Variants in KCNH7 observed in about 807,000 individuals in gnomAD.
The protein encoded by KCNH7 is voltage-gated inwardly rectifying potassium channel KCNH7.
A neutral mutation model predicts 120.8 loss-of-function variants in KCNH7; 49 were observed. The ratio of observed to expected loss-of-function variants is 0.41; its 90% CI spans 0.32 to 0.51. The LOEUF (loss-of-function observed/expected upper bound fraction) is 0.51, where lower values mean the gene tolerates loss of function less well. Among genes scored for constraint, KCNH7 ranks in the 20% least tolerant of loss-of-function variants. The probability of loss-of-function intolerance (pLI) is 0.38; values close to 1 mark genes in which losing one functional copy is unlikely to be tolerated. For missense variants in KCNH7, 1,097 were observed against 1,446.6 expected (o/e 0.76, Z 3.92); for synonymous variants, 547 against 516.1 (o/e 1.06, Z -0.81).
intron 12 of KCNH7, among the ~76,000 whole-genome samples, chr2:162,389,344 C>G (rs1039726180): frequency 6.6e-6 from 1 of 151,908 alleles, no homozygotes. Flanking sequence ...GCCAATGTCC[C>G]TTTTGACATT....
chr2:162,681,793 A>G (rs1016437996), intron 2 of KCNH7, among the ~76,000 whole-genome samples: 1 of 150,738 alleles, frequency 6.6e-6, no homozygotes, highest in African/African-American at 2.4e-5. Flanking sequence ...AGTTCAAGTC[A>G]AGACTTGGGG....
chr2:162,588,907 C>T (rs943570873), intron 2 of KCNH7, among the ~76,000 whole-genome samples: 2 of 152,098 alleles, frequency 1.3e-5, no homozygotes, highest in African/African-American at 4.8e-5. Flanking sequence ...CCTCTTTCCT[C>T]TCCCTCCAAT....
intron 6 of KCNH7, among the ~76,000 whole-genome samples, chr2:162,455,016 A>C (rs1471097581): frequency 6.6e-6 from 1 of 152,050 alleles, no homozygotes; most frequent in Non-Finnish European, 1.5e-5. Context: ...GTCTTGTGTC[A>C]GTTTCCAAAG....
intron 2 of KCNH7, among the ~76,000 whole-genome samples, chr2:162,708,648 T>C (rs972639599): frequency 6.6e-6 from 1 of 152,056 alleles, no homozygotes; most frequent in African/African-American, 2.4e-5. Flanking sequence ...AAGATTGGAA[T>C]CATTGTTCAA....
intron 2 of KCNH7, among the ~76,000 whole-genome samples, chr2:162,708,075 T>G (rs1686782411): frequency 6.6e-6 from 1 of 152,250 alleles, no homozygotes; most frequent in Non-Finnish European, 1.5e-5. Context: ...TTCTTATTTA[T>G]TTAATAAATT....
Position 162,478,327 on chromosome 2 carries a change from G to A in KCNH7, c.1128+26116C>T, listed in dbSNP as rs567062689. 9.4e-4 allele frequency among the ~76,000 whole-genome samples: 143 copies of A among 152,212 alleles called. 1 individual carries two copies. Among genetic ancestry groups the A allele is most frequent in the African/African-American group, 2.7e-3 (113 of 41,518 alleles). On this transcript the variant is annotated intron_variant, in intron 6 of 15. Coordinates refer to ENST00000332142, the MANE Select transcript of KCNH7 (RefSeq NM_033272.4). The stretch of plus-strand genomic sequence containing the variant: ...TATAGTACCATAGACTGTTACAGGT[G>A]GAAGTGGGCGAGCAGATTTTCCAGC...
chr2:162,410,671 A>G (rs1248277280), intron 9 of KCNH7, among the ~76,000 whole-genome samples: 1 of 152,088 alleles, frequency 6.6e-6, no homozygotes, highest in Non-Finnish European at 1.5e-5. Flanking sequence ...AACCTACAGA[A>G]TGGGAGAAAA....
chr2:162,484,477 G>C (rs991380549), intron 6 of KCNH7, among the ~76,000 whole-genome samples: 1 of 152,022 alleles, frequency 6.6e-6, no homozygotes, highest in Non-Finnish European at 1.5e-5. Context: ...CTCCAAAATT[G>C]CTACAATAAT....
chr2:162,440,089 T>C (rs1688374083), intron 7 of KCNH7, among the ~76,000 whole-genome samples: 1 of 151,696 alleles, frequency 6.6e-6, no homozygotes, highest in African/African-American at 2.4e-5. Context: ...AGAAAAAATA[T>C]TTTGTTCAAA....
intron 2 of KCNH7, among the ~76,000 whole-genome samples, chr2:162,697,595 A>G (rs1686337700): frequency 6.6e-6 from 1 of 152,082 alleles, no homozygotes; most frequent in Non-Finnish European, 1.5e-5. Flanking sequence ...TGAGACTGGC[A>G]GAGGGCATGG....
At chr2:162,601,399 C>CGT (rs1694548684) in intron 2 of KCNH7, among the ~76,000 whole-genome samples, 1 of 9,602 alleles carries the variant, frequency 1.0e-4, no homozygotes, top group African/African-American at 5.3e-4. Flanking sequence ...ACTTCTTGTG[C>CGT]TTTTTTTTTT....
At chr2:162,645,757 G>A (rs1574214551) in intron 2 of KCNH7, among the ~76,000 whole-genome samples, 1 of 152,280 alleles carries the variant, frequency 6.6e-6, no homozygotes, top group East Asian at 1.9e-4. Context: ...ATGTACAACA[G>A]TATCCATTTC....
intron 2 of KCNH7, among the ~76,000 whole-genome samples, chr2:162,734,620 G>A (rs1212698349): frequency 6.6e-6 from 1 of 152,054 alleles, no homozygotes; most frequent in African/African-American, 2.4e-5. Context: ...CTTAGGTACA[G>A]ATTTTTAAAC....
chr2:162,796,757 T>G (rs568303753), intron 2 of KCNH7: 4 of 152,116 alleles, frequency 2.6e-5, no homozygotes, highest in African/African-American at 9.6e-5. Context: ...ACTAGAGAAA[T>G]GTAGCTACAA....
At chr2:162,791,296 G>C (rs1683933563) in intron 2 of KCNH7, among the ~76,000 whole-genome samples, 1 of 151,942 alleles carries the variant, frequency 6.6e-6, no homozygotes, top group Non-Finnish European at 1.5e-5. Flanking sequence ...TTTAAAAATA[G>C]GTTTTTTTTC....
chr2:162,756,262 G>A (rs551872337), intron 2 of KCNH7, among the ~76,000 whole-genome samples: 1 of 152,116 alleles, frequency 6.6e-6, no homozygotes, highest in East Asian at 1.9e-4. Context: ...AAAAGAGGTT[G>A]AATGATGTAC....
At chr2:162,508,513 G>A (rs530389058) in intron 5 of KCNH7, among the ~76,000 whole-genome samples, 68 of 151,538 alleles carry the variant, frequency 4.5e-4, no homozygotes, top group African/African-American at 1.6e-3. Context: ...GGATTTTAAA[G>A]CAGATGTTTA....
At chr2:162,816,487 G>C (rs75941585) in intron 2 of KCNH7, among the ~76,000 whole-genome samples, 3,929 of 152,198 alleles carry the variant, frequency 0.026, 164 homozygotes, top group African/African-American at 0.089. Context: ...GAAGGGCTCA[G>C]AGACTATTGA....
At chr2:162,640,073 AGT>A (rs2105234820) in intron 2 of KCNH7, among the ~76,000 whole-genome samples, 1 of 152,268 alleles carries the variant, frequency 6.6e-6, no homozygotes, top group East Asian at 1.9e-4. Context: ...GTAGTGACAA[AGT>A]GTGTTCATGG....
Sources: gnomAD v4.1 joint callset for allele counts (sites outside exome capture counted in the v4.1 genomes callset) on GRCh38, gnomAD v4.1.1 for gene constraint, MANE v1.5 for transcripts, NCBI Gene and HGNC (gene_info 2026-07-23, HGNC 2026-07-21) for gene names.